The following MMS22L variants were observed in gnomAD, a reference collection of about 807,000 sequenced individuals.
The protein encoded by MMS22L is protein MMS22-like.
In MMS22L, 74 loss-of-function variants were observed where a neutral mutation model predicts 159.1. The observed-to-expected ratio is 0.47, with a 90% CI of 0.39 to 0.56. MMS22L has a LOEUF of 0.56. Among genes scored for constraint, MMS22L ranks in the 20% least tolerant of loss-of-function variants. The probability of loss-of-function intolerance (pLI) is 0.00; values close to 1 mark genes in which losing one functional copy is unlikely to be tolerated. For synonymous variants in MMS22L, 517 were observed against 506.9 expected (o/e 1.02, Z -0.27); for missense variants, 1,351 against 1,422.1 (o/e 0.95, Z 0.80).
intron 14 of MMS22L, among the ~76,000 whole-genome samples, chr6:97,221,806 C>T (rs1482296917): frequency 6.6e-6 from 1 of 151,934 alleles, no homozygotes; most frequent in Admixed American, 6.6e-5. Context: ...AACACTGCCT[C>T]AAAATTTCCA....
chr6:97,274,985 C>A (rs1305679779), intron 4 of MMS22L, among the ~76,000 whole-genome samples: 3 of 152,142 alleles, frequency 2.0e-5, no homozygotes, highest in African/African-American at 7.2e-5. Context: ...TTAAAGGCTG[C>A]TTTTTAAAAG....
rs550337450 is a variant in MMS22L, at chr6:97,166,127, T to C, written c.3010-670A>G. Among the ~76,000 whole-genome samples the C allele has an allele frequency of 2.6e-5, 4 of 152,264 alleles. No individual in the cohort carries two copies. In the South Asian group the frequency reaches 8.3e-4, roughly 32 times the overall value. On this transcript the variant is annotated intron_variant, in intron 20 of 24. Coordinates refer to ENST00000683635, the MANE Select transcript of MMS22L (RefSeq NM_001350599.2). ...ATACAGTCACACAGAACTCTTGATA[T>C]CTGGTTGCATGTCTGTTTATTTAAT...
At chr6:97,207,720 A>C (rs1453556761) in intron 14 of MMS22L, among the ~76,000 whole-genome samples, 1 of 152,168 alleles carries the variant, frequency 6.6e-6, no homozygotes, top group Non-Finnish European at 1.5e-5. Context: ...AGAGACAACA[A>C]ATACATAGTC....
At chr6:97,190,652 A>G (rs1805773803) in intron 14 of MMS22L, among the ~76,000 whole-genome samples, 1 of 152,190 alleles carries the variant, frequency 6.6e-6, no homozygotes, top group Non-Finnish European at 1.5e-5. Flanking sequence ...TTCTCACCCT[A>G]TGAGGTAGGC....
At chr6:97,202,971 T>C (rs1361217347) in intron 14 of MMS22L, among the ~76,000 whole-genome samples, 1 of 152,216 alleles carries the variant, frequency 6.6e-6, no homozygotes, top group Admixed American at 6.5e-5. Context: ...CTTGTTTTTA[T>C]GCATTTTGTT....
intron 11 of MMS22L, among the ~76,000 whole-genome samples, chr6:97,235,540 C>T (rs1811302779): frequency 6.6e-6 from 1 of 152,162 alleles, no homozygotes; most frequent in Non-Finnish European, 1.5e-5. Flanking sequence ...GGAAACCAGG[C>T]ATTGCGGATG....
chr6:97,282,482 T>G lies in MMS22L; in HGVS notation c.-5A>C. 6.2e-7 allele frequency: 1 copy of G among 1,603,914 alleles called. No individual in the cohort carries two copies. Among genetic ancestry groups the G allele is most frequent in the Non-Finnish European group, 8.5e-7 (1 of 1,175,512 alleles). On this transcript the variant is annotated 5_prime_UTR_variant, in exon 2 of 25. The change abolishes the stop of an existing upstream ORF in the 5' untranslated region. Transcript: ENST00000683635. ...TGCAGCAGAACAGTTCTCCATTGTTTACTTCATGTTCTGAAACACTTGGGG... is the reference window on the plus strand; with the variant it reads ...TGCAGCAGAACAGTTCTCCATTGTTGACTTCATGTTCTGAAACACTTGGGG...
At position 97,216,685 on chromosome 6, in the gene MMS22L, T is replaced by C. The variant is rs368214412; in HGVS notation, c.2039+12209A>G. ...CGTGTGGTGCCATGAAAGAGCACAG[T>C]AGTGATGTCTTCCTACAAACTCATT... On this transcript the variant is annotated intron_variant, in intron 14 of 24. Coordinates refer to ENST00000683635, the MANE Select transcript of MMS22L (RefSeq NM_001350599.2). Among the ~76,000 whole-genome samples, 3 of 152,326 alleles carry C rather than the reference T, an allele frequency of 2.0e-5. No homozygotes were observed. The East Asian group carries it at 5.8e-4, about 29-fold the overall frequency.
chr6:97,242,784 T>C (rs751676075), intron 11 of MMS22L, among the ~76,000 whole-genome samples: 4 of 152,194 alleles, frequency 2.6e-5, no homozygotes, highest in Non-Finnish European at 5.9e-5. Flanking sequence ...TAGTGGCAAA[T>C]TCTCTTAGCA....
intron 14 of MMS22L, among the ~76,000 whole-genome samples, chr6:97,213,058 T>C (rs1264127833): frequency 1.3e-5 from 2 of 152,062 alleles, no homozygotes; most frequent in African/African-American, 4.8e-5. Flanking sequence ...TGTGTGTGCG[T>C]GTGTGTGTGT....
At position 97,247,027 on chromosome 6, in the gene MMS22L, TTG is replaced by T. The variant is rs1349310066; in HGVS notation, c.1120-339_1120-338del. On this transcript the variant is annotated intron_variant, in intron 10 of 24. Coordinates refer to ENST00000683635, the MANE Select transcript of MMS22L (RefSeq NM_001350599.2). ...ATATAGCCACATGTATTTTTGGTGT[TTG>T]TTTTTTTTTTTATGCTGAGTAATCA... is the stretch of plus-strand genomic sequence containing the variant. 3.2e-4 allele frequency among the ~76,000 whole-genome samples: 20 copies of T among 62,410 alleles called. 1 individual carries two copies. In the South Asian group the frequency reaches 7.2e-3, roughly 23 times the overall value. 40.9% of individuals were successfully genotyped at this position (62,410 alleles called of 152,430 possible). A position where few individuals can be genotyped will look rare whatever the true frequency, so the allele number is the denominator to read the frequency against.
intron 12 of MMS22L, among the ~76,000 whole-genome samples, chr6:97,232,044 G>A (rs1306020276): frequency 2.0e-5 from 3 of 152,092 alleles, no homozygotes; most frequent in African/African-American, 7.2e-5. Context: ...TTAGCTGCTT[G>A]TATGGCTCTA....
At chr6:97,265,848 A>T (rs762016314) in intron 8 of MMS22L, 1 of 152,112 alleles carries the variant, frequency 6.6e-6, no homozygotes, top group Non-Finnish European at 1.5e-5. Context: ...CAGCCTCCCA[A>T]GTAGCTGGGA....
chr6:97,176,544 G>A (rs531672778), intron 18 of MMS22L, among the ~76,000 whole-genome samples: 1 of 152,160 alleles, frequency 6.6e-6, no homozygotes, highest in South Asian at 2.1e-4. Context: ...ACAATTCCTT[G>A]ATCCTAAACT....
chr6:97,219,019 G>A (rs1428331166), intron 14 of MMS22L, among the ~76,000 whole-genome samples: 3 of 152,110 alleles, frequency 2.0e-5, no homozygotes, highest in East Asian at 3.9e-4. Flanking sequence ...ATCAGATCTC[G>A]TGAGAACTCA....
chr6:97,233,521 G>C (rs1291786015), intron 12 of MMS22L, among the ~76,000 whole-genome samples: 1 of 152,070 alleles, frequency 6.6e-6, no homozygotes, highest in Admixed American at 6.6e-5. Flanking sequence ...TGCCAGGATT[G>C]TTTCTTACTC....
At chr6:97,227,448 C>T (rs559828696) in intron 14 of MMS22L, among the ~76,000 whole-genome samples, 2 of 152,170 alleles carry the variant, frequency 1.3e-5, no homozygotes, top group South Asian at 4.1e-4. Flanking sequence ...AGAGACAAAC[C>T]AAAACTGATA....
intron 18 of MMS22L, among the ~76,000 whole-genome samples, chr6:97,175,237 A>G (rs1804000144): frequency 6.6e-6 from 1 of 152,192 alleles, no homozygotes; most frequent in Non-Finnish European, 1.5e-5. Flanking sequence ...ATTTTTTAAC[A>G]TTTTTACAAA....
intron 8 of MMS22L, chr6:97,265,885 C>A (rs1337495362): frequency 1.3e-5 from 2 of 152,082 alleles, no homozygotes; most frequent in Non-Finnish European, 2.9e-5. Context: ...CCATGCCCGG[C>A]TAATTTTTTG....
Sources: allele counts gnomAD v4.1 joint callset (sites outside exome capture counted in the v4.1 genomes callset), GRCh38; gene constraint gnomAD v4.1.1; transcripts MANE v1.5; gene names NCBI Gene and HGNC (gene_info 2026-07-23, HGNC 2026-07-21).